LDLRAD3: variants seen among roughly 807,000 people sequenced by gnomAD.
LDLRAD3 encodes low density lipoprotein receptor class A domain containing 3.
LDLRAD3 carries 20 observed loss-of-function variants against 29.4 expected under a neutral mutation model. The ratio of observed to expected loss-of-function variants is 0.68; its 90% CI spans 0.48 to 0.99. The LOEUF is 0.99. LDLRAD3 is among the 50% of genes least tolerant of loss of function. The pLI is 0.00. For missense variants in LDLRAD3, 420 were observed against 454.3 expected, an observed-to-expected ratio of 0.92 and a Z score of 0.69; for synonymous variants, 157 against 192.7, an observed-to-expected ratio of 0.81 and a Z score of 1.53.
chr11:36,008,708 A>G (rs1287397011), intron 1 of LDLRAD3, among the ~76,000 whole-genome samples: 3 of 152,248 alleles, frequency 2.0e-5, no homozygotes, highest in Non-Finnish European at 4.4e-5. Context: ...ATTAATAAGC[A>G]TATTCAAGAG....
chr11:36,174,857 C>T (rs1311778312), intron 4 of LDLRAD3, among the ~76,000 whole-genome samples: 1 of 152,256 alleles, frequency 6.6e-6, no homozygotes, highest in Admixed American at 6.5e-5. Context: ...TGGCAGGTGC[C>T]TGTAGTCCCA....
At chr11:36,067,425 G>A (rs948592527) in intron 2 of LDLRAD3, among the ~76,000 whole-genome samples, 2 of 151,944 alleles carry the variant, frequency 1.3e-5, no homozygotes, top group South Asian at 2.1e-4. Flanking sequence ...TGTATAAAAC[G>A]ATAGCAAATA....
At chr11:35,952,138 G>C (rs1418293327) in intron 1 of LDLRAD3, among the ~76,000 whole-genome samples, 1 of 152,174 alleles carries the variant, frequency 6.6e-6, no homozygotes, top group Admixed American at 6.5e-5. Flanking sequence ...CCGTTTTATA[G>C]ATGAGGAAAC....
chr11:36,143,095 G>A (rs1458898173), intron 4 of LDLRAD3, among the ~76,000 whole-genome samples: 1 of 152,198 alleles, frequency 6.6e-6, no homozygotes, highest in Non-Finnish European at 1.5e-5. Context: ...AGTGAGGCGG[G>A]TGGGGTTAAC....
At chr11:36,093,067 G>A (rs993975363) in intron 3 of LDLRAD3, among the ~76,000 whole-genome samples, 2 of 152,220 alleles carry the variant, frequency 1.3e-5, no homozygotes, top group Non-Finnish European at 2.9e-5. Context: ...ATGCCCCTGA[G>A]TGTGAAAGAT....
chr11:36,028,282 A>G lies in LDLRAD3; in HGVS notation c.47-7821A>G, dbSNP rs367903472. ...TCATGCAGTCAATAGGCATTTGTGG[A>G]GAGTCTTCCAGGCACCTGGCACTTG... On this transcript the variant is annotated intron_variant, in intron 1 of 5. Transcript: ENST00000315571. 2.0e-5 allele frequency among the ~76,000 whole-genome samples: 3 copies of G among 152,350 alleles called. No individual in the cohort carries two copies. The South Asian group carries it at 6.2e-4, about 32-fold the overall frequency.
chr11:36,108,049 T>G (rs920050179), intron 4 of LDLRAD3, among the ~76,000 whole-genome samples: 3 of 151,906 alleles, frequency 2.0e-5, no homozygotes, highest in Admixed American at 6.6e-5. Context: ...GGTGGCTCAC[T>G]CCTGTAATCC....
intron 4 of LDLRAD3, among the ~76,000 whole-genome samples, chr11:36,171,280 A>G (rs1854595606): frequency 6.6e-6 from 1 of 152,106 alleles, no homozygotes; most frequent in Non-Finnish European, 1.5e-5. Context: ...TTCTTTTGCT[A>G]TGCAGAAGCT....
intron 3 of LDLRAD3, among the ~76,000 whole-genome samples, chr11:36,090,588 C>T (rs146075044): frequency 2.6e-5 from 4 of 152,236 alleles, no homozygotes; most frequent in South Asian, 2.1e-4. Flanking sequence ...AAGCCTTTAC[C>T]GACAAGGAAG....
At chr11:36,119,827 A>G (rs1214783830) in intron 4 of LDLRAD3, among the ~76,000 whole-genome samples, 1 of 152,148 alleles carries the variant, frequency 6.6e-6, no homozygotes, top group Non-Finnish European at 1.5e-5. Context: ...CAAAGGTTTA[A>G]TTTTGATGAG....
intron 4 of LDLRAD3, among the ~76,000 whole-genome samples, chr11:36,194,275 A>G (rs1362235233): frequency 6.6e-6 from 1 of 152,136 alleles, no homozygotes; most frequent in Non-Finnish European, 1.5e-5. Flanking sequence ...CTTGCTTTGT[A>G]GGTCCATGAT....
chr11:36,231,519 A>C lies in LDLRAD3; in HGVS notation c.*2122A>C, dbSNP rs545715116. 1 of 152,072 alleles carries C rather than the reference A, an allele frequency of 6.6e-6. No individual in the cohort carries two copies. The highest frequency in any genetic ancestry group is 1.5e-5 in the Non-Finnish European group (1 of 68,014). 9.4% of individuals were successfully genotyped at this position (152,072 alleles called of 1,614,324 possible). ...CCCTTCTTCTTTCTGGTGCTCTGGA[A>C]GTTGTTTAGAGGAAAGAATTCTAAT... On this transcript the variant is annotated 3_prime_UTR_variant, in exon 6 of 6. Transcript: ENST00000315571.
At chr11:36,125,513 A>G (rs919257954) in intron 4 of LDLRAD3, among the ~76,000 whole-genome samples, 4 of 152,240 alleles carry the variant, frequency 2.6e-5, no homozygotes, top group African/African-American at 7.2e-5. Context: ...AGCACATAGT[A>G]GATAGTCAAT....
intron 4 of LDLRAD3, among the ~76,000 whole-genome samples, chr11:36,112,350 C>G (rs997286324): frequency 1.3e-5 from 2 of 152,216 alleles, no homozygotes; most frequent in African/African-American, 4.8e-5. Context: ...GAATACACAA[C>G]CATCTCTTTG....
intron 1 of LDLRAD3, among the ~76,000 whole-genome samples, chr11:35,983,304 A>G (rs536888746): frequency 6.6e-6 from 1 of 152,236 alleles, no homozygotes; most frequent in South Asian, 2.1e-4. Context: ...GATACCATCA[A>G]AATTAATTTT....
At chr11:36,076,898 T>C (rs1853020327) in intron 2 of LDLRAD3, among the ~76,000 whole-genome samples, 1 of 152,134 alleles carries the variant, frequency 6.6e-6, no homozygotes, top group Non-Finnish European at 1.5e-5. Flanking sequence ...TTTTCCTGAG[T>C]TACTTAGGCT....
At chr11:36,140,853 G>T (rs761709978) in intron 4 of LDLRAD3, among the ~76,000 whole-genome samples, 7 of 152,134 alleles carry the variant, frequency 4.6e-5, no homozygotes, top group African/African-American at 7.2e-5. Context: ...CTAGGAGCAC[G>T]AGGGGTGAGC....
rs1285306835 is a variant in LDLRAD3 at position 35,984,934 on chromosome 11, C to CT, written c.46+40809dup. On this transcript the variant is annotated intron_variant, in intron 1 of 5. Transcript: ENST00000315571. ...CGTGAGCCACCGCATCCTGCCTGTT[C>CT]TTTTTTTTTTTTTTTTTTTCCCTGA... is the stretch of plus-strand genomic sequence containing the variant. 7.3e-3 allele frequency among the ~76,000 whole-genome samples: 930 copies of CT among 127,964 alleles called. 14 individuals are homozygous for CT. The highest frequency in any genetic ancestry group is 0.019 in the African/African-American group (658 of 35,074). The allele number at this position is 127,964 out of a possible 152,430, so 83.9% of individuals were successfully genotyped here.
At chr11:36,016,463 C>T (rs536789219) in intron 1 of LDLRAD3, among the ~76,000 whole-genome samples, 1 of 152,172 alleles carries the variant, frequency 6.6e-6, no homozygotes, top group South Asian at 2.1e-4. Context: ...ATGACTGTTT[C>T]CTTTTGGGTT....
Sources: allele counts gnomAD v4.1 joint callset (sites outside exome capture counted in the v4.1 genomes callset), GRCh38; gene constraint gnomAD v4.1.1; transcripts MANE v1.5; gene names NCBI Gene and HGNC (gene_info 2026-07-23, HGNC 2026-07-21).